The following DCLK2 variants were observed in gnomAD, a reference collection of about 807,000 sequenced individuals.
DCLK2 encodes the protein doublecortin like kinase 2, also known as serine/threonine-protein kinase DCLK2.
Under a neutral mutation model 78.4 loss-of-function variants are expected in DCLK2, and 31 were observed. That is an observed-to-expected ratio of 0.40 (90% CI 0.30 to 0.53). The LOEUF (loss-of-function observed/expected upper bound fraction) is 0.53. DCLK2 is among the 20% of genes least tolerant of loss of function. DCLK2 has a pLI of 0.61. For synonymous variants in DCLK2, 407 were observed against 374.9 expected (o/e 1.09, Z -0.99); for missense variants, 872 against 973.7 (o/e 0.90, Z 1.39).
intron 15 of DCLK2, among the ~76,000 whole-genome samples, chr4:150,253,025 G>T (rs1406520397): frequency 6.6e-6 from 1 of 152,148 alleles, no homozygotes. Flanking sequence ...GCAGGACCTG[G>T]TCTGGGGCAT....
chr4:150,098,896 G>A (rs1370437502), intron 1 of DCLK2, among the ~76,000 whole-genome samples: 1 of 151,918 alleles, frequency 6.6e-6, no homozygotes, highest in African/African-American at 2.4e-5. Context: ...GAGTTTCACC[G>A]TGTTGGCCAG....
At chr4:150,193,307 T>G in intron 3 of DCLK2, 67 bp downstream of exon 3, 1 of 1,051,510 alleles carries the variant, frequency 9.5e-7, no homozygotes, top group Admixed American at 1.8e-5. Flanking sequence ...GCTTGGGATT[T>G]AGCCACTCAG....
intron 2 of DCLK2, among the ~76,000 whole-genome samples, chr4:150,137,849 T>C (rs1341066409): frequency 6.6e-6 from 1 of 152,232 alleles, no homozygotes; most frequent in Admixed American, 6.5e-5. Flanking sequence ...ATTTTCCATA[T>C]TGCTTAAAAT....
chr4:150,121,892 G>T (rs1732571790), intron 2 of DCLK2, among the ~76,000 whole-genome samples: 1 of 152,218 alleles, frequency 6.6e-6, no homozygotes, highest in Admixed American at 6.5e-5. Flanking sequence ...ATAACCAGGT[G>T]CATTGTCAAA....
intron 2 of DCLK2, among the ~76,000 whole-genome samples, chr4:150,189,210 A>G (rs1223998651): frequency 6.7e-6 from 1 of 149,744 alleles, no homozygotes; most frequent in Non-Finnish European, 1.5e-5. Flanking sequence ...AAAAAATTAT[A>G]TTAAACTGCA....
intron 7 of DCLK2, 83 bp downstream of exon 7, chr4:150,221,868 T>G: frequency 1.1e-6 from 1 of 927,432 alleles, no homozygotes; most frequent in Non-Finnish European, 1.6e-6. Flanking sequence ...CAGTTTTCCT[T>G]GGAGTTTATT....
chr4:150,132,769 T>G (rs2150199968), intron 2 of DCLK2, among the ~76,000 whole-genome samples: 1 of 152,260 alleles, frequency 6.6e-6, no homozygotes, highest in Admixed American at 6.5e-5. Flanking sequence ...ATTTTTAAAT[T>G]TCTTATAGAG....
At chr4:150,161,074 G>A (rs1422090352) in intron 2 of DCLK2, among the ~76,000 whole-genome samples, 1 of 152,122 alleles carries the variant, frequency 6.6e-6, no homozygotes, top group African/African-American at 2.4e-5. Flanking sequence ...ACAATTTAAG[G>A]TAAACATCTG....
At chr4:150,124,679 T>G (rs1732800102) in intron 2 of DCLK2, among the ~76,000 whole-genome samples, 1 of 152,230 alleles carries the variant, frequency 6.6e-6, no homozygotes. Flanking sequence ...AATGGAAACT[T>G]ATAAAAGCCC....
intron 2 of DCLK2, among the ~76,000 whole-genome samples, chr4:150,126,139 C>T (rs562760688): frequency 6.6e-6 from 1 of 152,186 alleles, no homozygotes; most frequent in Non-Finnish European, 1.5e-5. Flanking sequence ...TTGAATTTTG[C>T]CAGTTGCCCC....
intron 4 of DCLK2, among the ~76,000 whole-genome samples, chr4:150,201,742 C>G (rs775170429): frequency 3.6e-4 from 55 of 152,028 alleles, no homozygotes; most frequent in Non-Finnish European, 7.4e-4. Flanking sequence ...TGAACTCTAA[C>G]AGTGCTTACT....
intron 2 of DCLK2, among the ~76,000 whole-genome samples, chr4:150,183,157 T>C (rs930710689): frequency 1.3e-5 from 2 of 152,220 alleles, no homozygotes; most frequent in African/African-American, 4.8e-5. Context: ...TTTAGATAAG[T>C]AGATGCCAGT....
chr4:150,240,523 T>G, intron 12 of DCLK2, 47 bp downstream of exon 12: 2 of 1,573,924 alleles, frequency 1.3e-6, no homozygotes, highest in Non-Finnish European at 1.7e-6. Context: ...ATGTTCTCCC[T>G]TGGGTCCAGA....
chr4:150,181,526 A>G (rs922875519), intron 2 of DCLK2, among the ~76,000 whole-genome samples: 4 of 152,230 alleles, frequency 2.6e-5, no homozygotes, highest in African/African-American at 9.6e-5. Context: ...TCCTAAAGCC[A>G]AATCTTTGGT....
At chr4:150,255,166 C>T (rs948128824) in intron 15 of DCLK2, among the ~76,000 whole-genome samples, 1 of 152,198 alleles carries the variant, frequency 6.6e-6, no homozygotes, top group African/African-American at 2.4e-5. Context: ...TGCATTTTCC[C>T]CTCTCCCTCC....
chr4:150,205,908 C>T (rs775243074), intron 5 of DCLK2, among the ~76,000 whole-genome samples: 43 of 152,318 alleles, frequency 2.8e-4, no homozygotes, highest in Non-Finnish European at 4.4e-4. Context: ...GGCTGAGATC[C>T]TTAACCTAGG....
At chr4:150,118,818 G>A (rs1486675923) in intron 2 of DCLK2, among the ~76,000 whole-genome samples, 2 of 152,024 alleles carry the variant, frequency 1.3e-5, no homozygotes, top group African/African-American at 4.8e-5. Flanking sequence ...TTGAGGTCAG[G>A]ATTTAGAGAC....
intron 1 of DCLK2, among the ~76,000 whole-genome samples, chr4:150,087,272 A>C (rs1729715351): frequency 6.6e-6 from 1 of 152,198 alleles, no homozygotes; most frequent in South Asian, 2.1e-4. Context: ...TAAGTGACTA[A>C]AATAATCTGC....
intron 2 of DCLK2, among the ~76,000 whole-genome samples, chr4:150,160,846 A>G (rs1735652312): frequency 6.6e-6 from 1 of 152,208 alleles, no homozygotes; most frequent in African/African-American, 2.4e-5. Context: ...CCTCTGCCCC[A>G]GTGCCTCCAT....
Sources: allele counts gnomAD v4.1 joint callset (sites outside exome capture counted in the v4.1 genomes callset), GRCh38; gene constraint gnomAD v4.1.1; transcripts MANE v1.5; gene names NCBI Gene and HGNC (gene_info 2026-07-23, HGNC 2026-07-21).